The following EBF1 variants were observed in gnomAD, a reference collection of about 807,000 sequenced individuals.
The protein encoded by EBF1 is transcription factor COE1.
In EBF1, 10 loss-of-function variants were observed where a neutral mutation model predicts 68.4. The ratio of observed to expected loss-of-function variants is 0.15; its 90% CI spans 0.09 to 0.25. The LOEUF (loss-of-function observed/expected upper bound fraction) is 0.25, where lower values mean the gene tolerates loss of function less well. Ranked by LOEUF, EBF1 falls within the 10% of genes least tolerant of loss-of-function variation. The pLI, the probability that EBF1 is intolerant of heterozygous loss-of-function variation, is 1.00. For synonymous variants in EBF1, 298 were observed against 299.8 expected, an observed-to-expected ratio of 0.99 and a Z score of 0.06; for missense variants, 509 against 794.4, an observed-to-expected ratio of 0.64 and a Z score of 4.32.
chr5:158,741,355 G>A (rs1325768798), intron 10 of EBF1, among the ~76,000 whole-genome samples: 1 of 152,104 alleles, frequency 6.6e-6, no homozygotes, highest in Non-Finnish European at 1.5e-5. Context: ...CAGAAGGATA[G>A]CTGCAGCCCA....
intron 6 of EBF1, among the ~76,000 whole-genome samples, chr5:158,977,407 CACTT>C (rs1209593898): frequency 6.6e-6 from 1 of 152,156 alleles, no homozygotes; most frequent in African/African-American, 2.4e-5. Context: ...TTAAGTTAGA[CACTT>C]AATACGGTTT....
At chr5:158,835,228 T>C (rs773526717) in intron 7 of EBF1, among the ~76,000 whole-genome samples, 2 of 152,190 alleles carry the variant, frequency 1.3e-5, no homozygotes, top group Non-Finnish European at 2.9e-5. Flanking sequence ...TTGGGAAATT[T>C]AGTAGGATTT....
chr5:158,868,862 A>T (rs758308268), intron 6 of EBF1, among the ~76,000 whole-genome samples: 3 of 152,234 alleles, frequency 2.0e-5, no homozygotes, highest in African/African-American at 4.8e-5. Flanking sequence ...AACATGGTTG[A>T]TGTTGAAAGC....
intron 9 of EBF1, among the ~76,000 whole-genome samples, chr5:158,783,074 A>T (rs1561914471): frequency 6.6e-6 from 1 of 152,156 alleles, no homozygotes; most frequent in Non-Finnish European, 1.5e-5. Context: ...GCCACACAAG[A>T]TCTTTGCTAA....
intron 15 of EBF1, among the ~76,000 whole-genome samples, chr5:158,705,929 G>A (rs1757763549): frequency 6.6e-6 from 1 of 152,202 alleles, no homozygotes; most frequent in African/African-American, 2.4e-5. Flanking sequence ...TCAAATCTAT[G>A]TTTAGCAAGG....
chr5:158,777,276 A>G (rs1275444030), intron 10 of EBF1, 137 bp downstream of exon 10: 2 of 1,033,670 alleles, frequency 1.9e-6, no homozygotes, highest in African/African-American at 1.6e-5. Context: ...TTGGTCATAC[A>G]TATGGTAAAA....
chr5:158,896,309 T>C (rs1218171649), intron 6 of EBF1, among the ~76,000 whole-genome samples: 1 of 152,200 alleles, frequency 6.6e-6, no homozygotes, highest in Non-Finnish European at 1.5e-5. Flanking sequence ...CCTCAACTAT[T>C]ACCTATTAAA....
At chr5:158,892,713 T>C (rs559780101) in intron 6 of EBF1, among the ~76,000 whole-genome samples, 2 of 152,288 alleles carry the variant, frequency 1.3e-5, no homozygotes, top group South Asian at 4.1e-4. Flanking sequence ...CATGATATCT[T>C]TGATGCATAA....
chr5:159,055,860 A>T (rs758226294), intron 6 of EBF1, among the ~76,000 whole-genome samples: 2 of 152,212 alleles, frequency 1.3e-5, no homozygotes, highest in Non-Finnish European at 2.9e-5. Flanking sequence ...GCAGTCCCCA[A>T]TCTGGGATTG....
At chr5:158,840,650 T>G (rs1582433803) in intron 6 of EBF1, among the ~76,000 whole-genome samples, 7 of 88,338 alleles carry the variant, frequency 7.9e-5, no homozygotes, top group African/African-American at 1.6e-4. Flanking sequence ...CTCCTGTTTT[T>G]TTTTTTTTTT....
chr5:158,805,055 T>A (rs1781320064), intron 8 of EBF1, among the ~76,000 whole-genome samples: 1 of 152,152 alleles, frequency 6.6e-6, no homozygotes, highest in Admixed American at 6.6e-5. Flanking sequence ...CAAAATTATT[T>A]TTAGTCCAAT....
chr5:158,874,825 C>T (rs1797514444), intron 6 of EBF1, among the ~76,000 whole-genome samples: 2 of 151,968 alleles, frequency 1.3e-5, no homozygotes, highest in African/African-American at 2.4e-5. Flanking sequence ...AATATAATTC[C>T]ACTACTTAAT....
rs563497611 is a variant in EBF1, at chr5:158,846,082, C to T, written c.555-5972G>A. Among the ~76,000 whole-genome samples, 9 of 152,290 alleles carry T rather than the reference C, an allele frequency of 5.9e-5. No homozygotes were observed. In the South Asian group the frequency reaches 1.0e-3, roughly 18 times the overall value. On this transcript the variant is annotated intron_variant, in intron 6 of 15. Coordinates refer to ENST00000313708, the MANE Select transcript of EBF1 (RefSeq NM_024007.5). ...CTACATTTGCAATCTTAAGGCTCCTCGAAAGTTCCTCTTGACTTATGCCTG... is the reference window on the plus strand; with the variant it reads ...CTACATTTGCAATCTTAAGGCTCCTTGAAAGTTCCTCTTGACTTATGCCTG...
At chr5:158,714,007 A>T in intron 12 of EBF1, 110 bp downstream of exon 12, 1 of 1,117,158 alleles carries the variant, frequency 9.0e-7, no homozygotes, top group Admixed American at 1.8e-5. Flanking sequence ...TATACTCTTA[A>T]CTCATGCACA....
intron 7 of EBF1, among the ~76,000 whole-genome samples, chr5:158,827,185 C>T (rs1786352454): frequency 6.6e-6 from 1 of 152,110 alleles, no homozygotes; most frequent in South Asian, 2.1e-4. Flanking sequence ...ACAAGAAGTT[C>T]AAAAGAATGT....
chr5:158,855,436 G>A (rs528989768), intron 6 of EBF1, among the ~76,000 whole-genome samples: 2 of 152,286 alleles, frequency 1.3e-5, no homozygotes, highest in African/African-American at 4.8e-5. Context: ...CTGATTAGTG[G>A]CAGCCTCTAG....
chr5:158,718,898 A>T (rs2042875), intron 11 of EBF1, among the ~76,000 whole-genome samples: 6,605 of 152,234 alleles, frequency 0.043, 585 homozygotes, highest in East Asian at 0.23. Context: ...ATCATTCTCC[A>T]TAGCTAGACT....
At chr5:158,987,691 T>C (rs752809698) in intron 6 of EBF1, among the ~76,000 whole-genome samples, 9 of 152,186 alleles carry the variant, frequency 5.9e-5, no homozygotes, top group Admixed American at 2.0e-4. Flanking sequence ...TGTCCGTGGG[T>C]GCCTAGACAT....
intron 7 of EBF1, among the ~76,000 whole-genome samples, chr5:158,829,061 G>C (rs1043297692): frequency 1.6e-4 from 24 of 152,164 alleles, no homozygotes; most frequent in African/African-American, 5.8e-4. Context: ...GTGAAGGATA[G>C]GGGATTTTTA....
Sources: allele counts gnomAD v4.1 joint callset (sites outside exome capture counted in the v4.1 genomes callset), GRCh38; gene constraint gnomAD v4.1.1; transcripts MANE v1.5; gene names NCBI Gene and HGNC (gene_info 2026-07-23, HGNC 2026-07-21).